The following CDH2 variants were observed in gnomAD, a reference collection of about 807,000 sequenced individuals.
CDH2 encodes cadherin 2.
CDH2 carries 17 observed loss-of-function variants against 92.0 expected under a neutral mutation model. That is an observed-to-expected ratio of 0.18 (90% CI 0.13 to 0.28). The LOEUF (loss-of-function observed/expected upper bound fraction) is 0.28. Ranked by LOEUF, CDH2 falls within the 10% of genes least tolerant of loss-of-function variation. CDH2 has a pLI of 1.00. For missense variants in CDH2, 862 were observed against 1,133.1 expected (o/e 0.76, Z 3.44); for synonymous variants, 419 against 415.9 (o/e 1.01, Z -0.09).
intron 5 of CDH2, 71 bp from the exon 6 acceptor site, chr18:28,006,064 G>A (rs2012907666): frequency 4.1e-6 from 5 of 1,232,606 alleles, no homozygotes; most frequent in South Asian, 3.0e-5. Context: ...ATCATCATAA[G>A]GCTACAAAAA....
chr18:28,036,761 C>A (rs1023106880), intron 2 of CDH2, among the ~76,000 whole-genome samples: 16 of 152,156 alleles, frequency 1.1e-4, no homozygotes, highest in African/African-American at 3.9e-4. Flanking sequence ...CTTTCAAATT[C>A]TTGCCCCCAA....
chr18:27,995,784 A>C (rs929658149), intron 7 of CDH2, among the ~76,000 whole-genome samples: 1 of 152,060 alleles, frequency 6.6e-6, no homozygotes, highest in African/African-American at 2.4e-5. Context: ...TGTTATTTCC[A>C]AAGTACAATA....
chr18:27,952,405 C>T (rs1164198931), intron 15 of CDH2, 46 bp from the exon 16 acceptor site: 3 of 1,494,330 alleles, frequency 2.0e-6, no homozygotes, highest in Middle Eastern at 1.7e-4. Flanking sequence ...GAGAGGGTTA[C>T]ACTTTACAAA....
intron 2 of CDH2, among the ~76,000 whole-genome samples, chr18:28,130,018 C>A (rs1010237403): frequency 4.6e-5 from 7 of 152,132 alleles, no homozygotes; most frequent in African/African-American, 1.7e-4. Context: ...AATAATGAAC[C>A]TCTCTTGTCT....
chr18:28,082,424 G>A (rs192651002), intron 2 of CDH2, among the ~76,000 whole-genome samples: 10 of 152,010 alleles, frequency 6.6e-5, no homozygotes, highest in Admixed American at 1.3e-4. Flanking sequence ...AAATAATAGG[G>A]AACATAATAC....
At chr18:28,003,235 A>ACCTTC in intron 6 of CDH2, 66 bp from the exon 7 acceptor site, 2 of 1,226,966 alleles carry the variant, frequency 1.6e-6, no homozygotes, top group Non-Finnish European at 2.3e-6. Context: ...AATAGAAGGT[A>ACCTTC]TATTTATTGT....
intron 1 of CDH2, among the ~76,000 whole-genome samples, chr18:28,150,239 C>G (rs915485518): frequency 6.6e-6 from 1 of 152,306 alleles, no homozygotes; most frequent in Non-Finnish European, 1.5e-5. Context: ...AGCCCAGAAA[C>G]GCCGTGGCCA....
At chr18:28,061,931 G>C (rs1029536988) in intron 2 of CDH2, among the ~76,000 whole-genome samples, 1 of 152,106 alleles carries the variant, frequency 6.6e-6, no homozygotes, top group South Asian at 2.1e-4. Flanking sequence ...ATGACACATG[G>C]GGGTTATGGG....
chr18:27,941,920 G>A (rs185747833), intron 6 of CDH2, among the ~76,000 whole-genome samples: 7 of 152,276 alleles, frequency 4.6e-5, no homozygotes, highest in Admixed American at 4.6e-4. Context: ...GGCAATTAAG[G>A]AAACAAAGTT....
chr18:27,939,690 G>A (rs570362789), intron 6 of CDH2, among the ~76,000 whole-genome samples: 1 of 152,270 alleles, frequency 6.6e-6, no homozygotes, highest in South Asian at 2.1e-4. Context: ...CTTCCTGGGA[G>A]TTCTTATACT....
At chr18:27,945,034 AG>A (rs1479456088) in intron 6 of CDH2, among the ~76,000 whole-genome samples, 1 of 152,152 alleles carries the variant, frequency 6.6e-6, no homozygotes, top group African/African-American at 2.4e-5. Context: ...TAGAAATTGA[AG>A]GTACTGGAAT....
At chr18:28,160,747 A>G (rs984126623) in intron 1 of CDH2, among the ~76,000 whole-genome samples, 3 of 152,154 alleles carry the variant, frequency 2.0e-5, no homozygotes, top group African/African-American at 7.2e-5. Flanking sequence ...TCCAAGGGAG[A>G]CGAAGGGAAA....
chr18:28,152,274 ACT>A (rs1287889289), intron 1 of CDH2, among the ~76,000 whole-genome samples: 3 of 152,190 alleles, frequency 2.0e-5, no homozygotes, highest in African/African-American at 7.2e-5. Flanking sequence ...CAGGATTCAA[ACT>A]CTGTAGTCTT....
At chr18:28,126,381 T>C (rs2015677897) in intron 2 of CDH2, among the ~76,000 whole-genome samples, 1 of 152,186 alleles carries the variant, frequency 6.6e-6, no homozygotes, top group Non-Finnish European at 1.5e-5. Flanking sequence ...ATATGGCCTT[T>C]GAAAAAATAC....
intron 1 of CDH2, among the ~76,000 whole-genome samples, chr18:28,160,026 G>C (rs1161036784): frequency 6.6e-6 from 1 of 152,090 alleles, no homozygotes; most frequent in African/African-American, 2.4e-5. Context: ...TATAGTTGGA[G>C]AGGTGGCTTT....
intron 2 of CDH2, among the ~76,000 whole-genome samples, chr18:28,038,451 G>GTGTGTGTGTGTCTA (rs2013882592): frequency 6.6e-6 from 1 of 151,310 alleles, no homozygotes; most frequent in Non-Finnish European, 1.5e-5. Flanking sequence ...GTGTGTGTGT[G>GTGTGTGTGTGTCTA]TGTGTGTGTG....
At position 28,168,697 on chromosome 18, in the gene CDH2, G is replaced by A. The variant is rs2016420885; in HGVS notation, c.60+8266C>T. 1.3e-5 allele frequency: 3 copies of A among 239,358 alleles called. No individual in the cohort carries two copies. The Admixed American group carries it at 2.0e-4, about 16-fold the overall frequency. 14.8% of individuals were successfully genotyped at this position (239,358 alleles called of 1,614,324 possible). On this transcript the variant is annotated intron_variant, in intron 1 of 15. Transcript: ENST00000269141. ...TGTTTTTTCTCTCCTAAAGACCACA[G>A]GAAAAAAGAATGAAAATCTTAACCA...
chr18:28,032,745 A>C (rs2013728692), intron 2 of CDH2, among the ~76,000 whole-genome samples: 1 of 152,120 alleles, frequency 6.6e-6, no homozygotes, highest in South Asian at 2.1e-4. Context: ...TTTCCTGGTC[A>C]CATTGAAAGT....
intron 15 of CDH2, among the ~76,000 whole-genome samples, chr18:27,957,324 C>T (rs2143867895): frequency 6.6e-6 from 1 of 152,250 alleles, no homozygotes. Context: ...TCATGGCTCA[C>T]TGCAGCCTTG....
Sources: gnomAD v4.1 joint callset for allele counts (sites outside exome capture counted in the v4.1 genomes callset) on GRCh38, gnomAD v4.1.1 for gene constraint, MANE v1.5 for transcripts, NCBI Gene and HGNC (gene_info 2026-07-23, HGNC 2026-07-21) for gene names.